CDK6: variants seen among roughly 807,000 people sequenced by gnomAD.
CDK6 encodes cyclin-dependent kinase 6.
Under a neutral mutation model 37.1 loss-of-function variants are expected in CDK6, and 6 were observed. The ratio of observed to expected loss-of-function variants is 0.16; its 90% confidence interval spans 0.09 to 0.32. The LOEUF (loss-of-function observed/expected upper bound fraction) is 0.32. CDK6 is among the 10% of genes least tolerant of loss of function. The pLI is 1.00. For synonymous variants in CDK6, 160 were observed against 161.3 expected (o/e 0.99, Z 0.06); for missense variants, 224 against 418.9 (o/e 0.53, Z 4.06).
rs998045900 is a variant in CDK6 at position 92,643,260 on chromosome 7, G to A, written c.648-20174C>T. Among the ~76,000 whole-genome samples, 12 of 152,218 alleles carry A rather than the reference G, an allele frequency of 7.9e-5. No homozygotes were observed. The South Asian group carries it at 1.2e-3, about 16-fold the overall frequency. On this transcript the variant is annotated intron_variant, in intron 5 of 7. Transcript: ENST00000424848. ...GTAAGCCTGATGTTGAGACCAAGTA[G>A]TATTCTTCAGTTGGTTCTAAGAAAA...
intron 2 of CDK6, among the ~76,000 whole-genome samples, chr7:92,799,950 C>T (rs1037246371): frequency 3.9e-5 from 6 of 152,226 alleles, no homozygotes; most frequent in Admixed American, 1.3e-4. Context: ...AAACCTGCTC[C>T]TTCTGCTGTG....
intron 4 of CDK6, among the ~76,000 whole-genome samples, chr7:92,678,117 C>A (rs772961892): frequency 6.6e-6 from 1 of 152,132 alleles, no homozygotes; most frequent in African/African-American, 2.4e-5. Flanking sequence ...ACAATATAAT[C>A]AATTCTACCA....
chr7:92,773,374 G>T (rs1226833285), intron 3 of CDK6, among the ~76,000 whole-genome samples: 1 of 152,070 alleles, frequency 6.6e-6, no homozygotes. Context: ...GAGAAGGAAG[G>T]CCACCAAGGT....
At chr7:92,711,043 C>T (rs946180659) in intron 4 of CDK6, among the ~76,000 whole-genome samples, 2 of 152,144 alleles carry the variant, frequency 1.3e-5, no homozygotes, top group Admixed American at 6.5e-5. Context: ...AGCTGAAACC[C>T]TTTTGGAGAA....
chr7:92,817,841 A>G (rs751513388), intron 2 of CDK6, among the ~76,000 whole-genome samples: 58 of 152,070 alleles, frequency 3.8e-4, no homozygotes, highest in Admixed American at 1.3e-3. Context: ...ATAGCTCTCA[A>G]TGACAAACAC....
At position 92,725,066 on chromosome 7, in the gene CDK6, T is replaced by C. The variant is rs879512996; in HGVS notation, c.537+560A>G. On this transcript the variant is annotated intron_variant, in intron 4 of 7. Transcript: ENST00000424848. ...GTTATTTTTTGCCAAAACAGGGCCG[T>C]TGGGTTCGCTCTTTCTATTCAGGGT... The C allele has an allele frequency of 1.3e-5, 13 of 985,248 alleles. No individual in the cohort carries two copies. In the Admixed American group the frequency reaches 7.4e-4, roughly 56 times the overall value. 61.0% of individuals were successfully genotyped at this position (985,248 alleles called of 1,614,324 possible).
At chr7:92,668,943 T>C (rs1797016952) in intron 5 of CDK6, among the ~76,000 whole-genome samples, 1 of 152,254 alleles carries the variant, frequency 6.6e-6, no homozygotes, top group Admixed American at 6.5e-5. Flanking sequence ...TTTCTCAAAT[T>C]ACTATTTTTG....
chr7:92,614,652 G>A lies in CDK6; in HGVS notation c.*488C>T, dbSNP rs896688161. 1.7e-5 allele frequency: 4 copies of A among 233,022 alleles called. No homozygotes were observed. The highest frequency in any genetic ancestry group is 2.5e-5 in the Non-Finnish European group (3 of 118,286). The allele number at this position is 233,022 out of a possible 1,614,324, so 14.4% of individuals were successfully genotyped here. ...TCTTTAAAATTGAATTATTCTTGTCGTTTACAAAAAGTAACACTTTAAAAG... is the reference window on the plus strand; with the variant it reads ...TCTTTAAAATTGAATTATTCTTGTCATTTACAAAAAGTAACACTTTAAAAG... On this transcript the variant is annotated 3_prime_UTR_variant, in exon 8 of 8. Transcript: ENST00000424848.
chr7:92,673,573 A>G (rs1180319974), intron 4 of CDK6, among the ~76,000 whole-genome samples: 3 of 152,160 alleles, frequency 2.0e-5, no homozygotes, highest in Admixed American at 2.0e-4. Context: ...ATTTTCCATC[A>G]ATGCATCACC....
In CDK6 at chr7:92,824,071, TG is replaced by T. The variant is rs146689903; in HGVS notation, c.233+9019del. ...ATAAAAGTATTTTAGGATAAATGAA[TG>T]TTTTTTTTTAATCATTAGGAACACC... On this transcript the variant is annotated intron_variant, in intron 2 of 7. Transcript: ENST00000424848. Among the ~76,000 whole-genome samples the T allele has an allele frequency of 5.4e-3, 820 of 152,062 alleles. 8 individuals are homozygous for T. The highest frequency in any genetic ancestry group is 0.019 in the African/African-American group (773 of 41,482).
chr7:92,754,111 C>T (rs1799254459), intron 3 of CDK6, among the ~76,000 whole-genome samples: 1 of 152,122 alleles, frequency 6.6e-6, no homozygotes, highest in Non-Finnish European at 1.5e-5. Context: ...GAGATGAAGT[C>T]TCAATAAACA....
chr7:92,723,597 G>C (rs1364651948), intron 4 of CDK6, among the ~76,000 whole-genome samples: 2 of 152,076 alleles, frequency 1.3e-5, no homozygotes, highest in Non-Finnish European at 2.9e-5. Context: ...AAAGAGTGGG[G>C]AAATTTTAAA....
At chr7:92,719,130 T>C (rs1798305939) in intron 4 of CDK6, among the ~76,000 whole-genome samples, 1 of 152,204 alleles carries the variant, frequency 6.6e-6, no homozygotes, top group South Asian at 2.1e-4. Flanking sequence ...TAAGTAATTT[T>C]TTTTTCTTCA....
intron 4 of CDK6, among the ~76,000 whole-genome samples, chr7:92,678,496 T>C (rs1797259037): frequency 6.6e-6 from 1 of 152,216 alleles, no homozygotes; most frequent in South Asian, 2.1e-4. Context: ...ACTGCTTTGA[T>C]CTCTATTCAC....
At chr7:92,725,898 G>C (rs1399294525) in intron 3 of CDK6, 105 bp from the exon 4 acceptor site, 2 of 987,616 alleles carry the variant, frequency 2.0e-6, no homozygotes, top group Admixed American at 2.3e-5. Context: ...CTTGGCATGC[G>C]GCAGGCATTT....
intron 3 of CDK6, among the ~76,000 whole-genome samples, chr7:92,766,980 C>T (rs905038937): frequency 4.6e-5 from 7 of 152,168 alleles, no homozygotes; most frequent in African/African-American, 1.4e-4. Context: ...CACTATCAAC[C>T]CCCTGTACCC....
At chr7:92,634,685 A>C (rs1319518714) in intron 5 of CDK6, among the ~76,000 whole-genome samples, 2 of 152,120 alleles carry the variant, frequency 1.3e-5, no homozygotes, top group African/African-American at 4.8e-5. Context: ...TATTCTCTAT[A>C]TCTAGGAAAG....
chr7:92,817,929 A>G (rs1801070940), intron 2 of CDK6, among the ~76,000 whole-genome samples: 1 of 151,986 alleles, frequency 6.6e-6, no homozygotes, highest in South Asian at 2.1e-4. Context: ...ATAAAATGCA[A>G]GCAAGGGCAT....
At chr7:92,659,605 A>G (rs1181054787) in intron 5 of CDK6, among the ~76,000 whole-genome samples, 1 of 147,568 alleles carries the variant, frequency 6.8e-6, no homozygotes, top group African/African-American at 2.6e-5. Flanking sequence ...AGAAGTAGGC[A>G]TGACACACAC....
Sources: allele counts gnomAD v4.1 joint callset (sites outside exome capture counted in the v4.1 genomes callset), GRCh38; gene constraint gnomAD v4.1.1; transcripts MANE v1.5; gene names NCBI Gene and HGNC (gene_info 2026-07-23, HGNC 2026-07-21).